The following STAG1 variants were observed in gnomAD, a reference collection of about 807,000 sequenced individuals.
STAG1 encodes STAG1 cohesin complex component.
A neutral mutation model predicts 170.9 loss-of-function variants in STAG1; 26 were observed. That is an observed-to-expected ratio of 0.15 (90% CI 0.11 to 0.21). The LOEUF is 0.21. STAG1 is among the 10% of genes least tolerant of loss of function. The pLI is 1.00. For missense variants in STAG1, 964 were observed against 1,509.5 expected (o/e 0.64, Z 5.99); for synonymous variants, 514 against 497.7 (o/e 1.03, Z -0.44).
At chr3:136,361,954 T>C (rs1936879658) in intron 26 of STAG1, among the ~76,000 whole-genome samples, 1 of 151,694 alleles carries the variant, frequency 6.6e-6, no homozygotes, top group Non-Finnish European at 1.5e-5. Flanking sequence ...AATTAATGCT[T>C]CTTTTCTTTC....
In STAG1 at chr3:136,624,390, G is replaced by C. The variant is rs563574571; in HGVS notation, c.30-1142C>G. Among the ~76,000 whole-genome samples, 22 of 152,250 alleles carry C rather than the reference G, an allele frequency of 1.4e-4. 1 individual carries two copies. The highest frequency in any genetic ancestry group is 5.3e-4 in the African/African-American group (22 of 41,572). ...GCTGGGATTACAGGTGTGAGCCACC[G>C]TGCCCAGCCAATTATTGGAATCTAA... On this transcript the variant is annotated intron_variant, in intron 2 of 33. Transcript: ENST00000383202.
intron 7 of STAG1, among the ~76,000 whole-genome samples, chr3:136,509,788 T>C (rs1442693723): frequency 1.3e-5 from 2 of 152,226 alleles, no homozygotes; most frequent in African/African-American, 4.8e-5. Flanking sequence ...ACCAACAATT[T>C]GCATTTCTGT....
intron 4 of STAG1, among the ~76,000 whole-genome samples, chr3:136,577,106 CTG>C (rs1453950572): frequency 6.6e-6 from 1 of 152,114 alleles, no homozygotes; most frequent in Non-Finnish European, 1.5e-5. Context: ...TACATGGCTG[CTG>C]AATTTAGGAA....
At chr3:136,451,929 A>C in intron 14 of STAG1, 104 bp downstream of exon 14, 1 of 738,990 alleles carries the variant, frequency 1.4e-6, no homozygotes, top group Non-Finnish European at 2.2e-6. Context: ...TAACTTTATA[A>C]GAAACAGACT....
At chr3:136,677,220 A>G (rs747931026) in intron 1 of STAG1, among the ~76,000 whole-genome samples, 1 of 152,186 alleles carries the variant, frequency 6.6e-6, no homozygotes, top group Non-Finnish European at 1.5e-5. Flanking sequence ...TACGTCCCAT[A>G]CTTTTATTGT....
At chr3:136,628,127 T>TG (rs1218563314) in intron 2 of STAG1, among the ~76,000 whole-genome samples, 1 of 152,112 alleles carries the variant, frequency 6.6e-6, no homozygotes, top group Non-Finnish European at 1.5e-5. Flanking sequence ...ATGCTGTTGT[T>TG]GTGATAGTGA....
At chr3:136,451,624 G>A (rs1168876750) in intron 14 of STAG1, among the ~76,000 whole-genome samples, 7 of 152,076 alleles carry the variant, frequency 4.6e-5, no homozygotes, top group Non-Finnish European at 4.4e-5. Context: ...TTAGCTGGGC[G>A]TGGTAGTGGG....
chr3:136,523,186 C>A lies in STAG1; in HGVS notation c.472-1769G>T, dbSNP rs9787033. Among the ~76,000 whole-genome samples the A allele has an allele frequency of 5.7e-3, 870 of 152,282 alleles. 7 individuals are homozygous for A. The highest frequency in any genetic ancestry group is 0.02 in the African/African-American group (811 of 41,546). ...TTGAACTAGTTTACAGTCCCAACAACAGTGTAAAAGTGTTCCTATTTCTCC... is the reference window on the plus strand; with the variant it reads ...TTGAACTAGTTTACAGTCCCAACAAAAGTGTAAAAGTGTTCCTATTTCTCC... On this transcript the variant is annotated intron_variant, in intron 6 of 33. Coordinates refer to ENST00000383202, the MANE Select transcript of STAG1 (RefSeq NM_005862.3).
At chr3:136,483,952 G>C (rs1362295767) in intron 9 of STAG1, among the ~76,000 whole-genome samples, 4 of 17,596 alleles carry the variant, frequency 2.3e-4, no homozygotes, top group Non-Finnish European at 4.9e-4. Flanking sequence ...GCACTTCTCT[G>C]TATTGGTTAT....
rs113469453 is a variant in STAG1 at position 136,696,431 on chromosome 3, C to T, written c.-84+55764G>A. On this transcript the variant is annotated intron_variant, in intron 1 of 33. Transcript: ENST00000383202. ...GAGCATGGAGGATTTTTAGGGCAGT[C>T]AGACAACAGTGTATGATTCTATAAT... 2.0e-5 allele frequency among the ~76,000 whole-genome samples: 3 copies of T among 152,080 alleles called. No individual in the cohort carries two copies. In the East Asian group the frequency reaches 5.8e-4, roughly 29 times the overall value.
At chr3:136,521,986 C>T (rs1315426593) in intron 6 of STAG1, among the ~76,000 whole-genome samples, 1 of 152,152 alleles carries the variant, frequency 6.6e-6, no homozygotes, top group Admixed American at 6.5e-5. Flanking sequence ...ATTAAGTTTT[C>T]TAAGAAAACA....
At chr3:136,351,234 T>C (rs1386119037) in intron 28 of STAG1, among the ~76,000 whole-genome samples, 1 of 151,808 alleles carries the variant, frequency 6.6e-6, no homozygotes, top group Non-Finnish European at 1.5e-5. Flanking sequence ...CAATCTTTGG[T>C]GGTTATTAAT....
chr3:136,748,171 G>GGTTTCAGGTCAAGA (rs1367287062), intron 1 of STAG1, among the ~76,000 whole-genome samples: 1 of 151,664 alleles, frequency 6.6e-6, no homozygotes, highest in Non-Finnish European at 1.5e-5. Flanking sequence ...GTGGACAGAC[G>GGTTTCAGGTCAAGA]GTTTCAGGTC....
chr3:136,488,031 G>T (rs1346340579), intron 9 of STAG1, among the ~76,000 whole-genome samples: 3 of 152,252 alleles, frequency 2.0e-5, no homozygotes, highest in Non-Finnish European at 2.9e-5. Flanking sequence ...CTTGGAGGAT[G>T]CTTTGATTGT....
chr3:136,640,241 AT>A (rs1186626631), intron 1 of STAG1, among the ~76,000 whole-genome samples: 1 of 152,250 alleles, frequency 6.6e-6, no homozygotes, highest in Non-Finnish European at 1.5e-5. Context: ...AAGTTATTTT[AT>A]AACAAAAAAT....
intron 1 of STAG1, among the ~76,000 whole-genome samples, chr3:136,744,508 T>C (rs1049070630): frequency 1.3e-5 from 2 of 152,122 alleles, no homozygotes; most frequent in African/African-American, 4.8e-5. Context: ...CACCAATACT[T>C]GACATTATCA....
At position 136,442,519 on chromosome 3, in the gene STAG1, T is replaced by A. The variant is rs756051018; in HGVS notation, c.1546+768A>T. Reference sequence around the variant, plus strand: ...CAAAAATTATCATGTGGCTCTTATGTCCCCCTATTTCTTGAGTAGCTAGGT... The same window carrying A: ...CAAAAATTATCATGTGGCTCTTATGACCCCCTATTTCTTGAGTAGCTAGGT... On this transcript the variant is annotated intron_variant, in intron 15 of 33. Transcript: ENST00000383202. 6.6e-4 allele frequency among the ~76,000 whole-genome samples: 101 copies of A among 152,178 alleles called. 1 individual carries two copies. The highest frequency in any genetic ancestry group is 1.6e-4 in the Non-Finnish European group (11 of 68,028).
rs570958966 is a variant in STAG1 at position 136,560,345 on chromosome 3, TTA to T, written c.394+8418_394+8419del. Among the ~76,000 whole-genome samples the T allele has an allele frequency of 2.7e-3, 408 of 152,314 alleles. 2 individuals carry two copies. Among genetic ancestry groups the T allele is most frequent in the African/African-American group, 9.5e-3 (396 of 41,570 alleles). On this transcript the variant is annotated intron_variant, in intron 5 of 33. Coordinates refer to ENST00000383202, the MANE Select transcript of STAG1 (RefSeq NM_005862.3). ...AAAAACCATATATTTCTGAAATTAGTTATGTTTAAGTACATACCAAAGTAAAT... is the reference window on the plus strand; with the variant it reads ...AAAAACCATATATTTCTGAAATTAGTTGTTTAAGTACATACCAAAGTAAAT...
intron 1 of STAG1, among the ~76,000 whole-genome samples, chr3:136,653,232 G>C (rs373318455): frequency 2.1e-4 from 31 of 151,208 alleles, no homozygotes; most frequent in Admixed American, 1.3e-3. Flanking sequence ...AGATCGTGCT[G>C]TTGCACTCCA....
Sources: gnomAD v4.1 joint callset for allele counts (sites outside exome capture counted in the v4.1 genomes callset) on GRCh38, gnomAD v4.1.1 for gene constraint, MANE v1.5 for transcripts, NCBI Gene and HGNC (gene_info 2026-07-23, HGNC 2026-07-21) for gene names.